FAM13A: variants seen among roughly 807,000 people sequenced by gnomAD.
The protein encoded by FAM13A is protein FAM13A.
FAM13A carries 76 observed loss-of-function variants against 129.6 expected under a neutral mutation model. The ratio of observed to expected loss-of-function variants is 0.59; its 90% CI spans 0.49 to 0.71. The LOEUF (loss-of-function observed/expected upper bound fraction) is 0.71, where lower values mean the gene tolerates loss of function less well. FAM13A is among the 30% of genes least tolerant of loss of function. FAM13A has a pLI of 0.00. For missense variants in FAM13A, 1,108 were observed against 1,249.3 expected (o/e 0.89, Z 1.70); for synonymous variants, 443 against 449.9 (o/e 0.98, Z 0.20).
At chr4:88,902,766 T>C (rs1312054464) in intron 6 of FAM13A, among the ~76,000 whole-genome samples, 2 of 152,082 alleles carry the variant, frequency 1.3e-5, no homozygotes, top group Non-Finnish European at 2.9e-5. Flanking sequence ...CAGGGCAATC[T>C]GGCAAGAGAA....
chr4:88,926,659 ATGTC>A (rs1187026869), intron 5 of FAM13A, among the ~76,000 whole-genome samples: 2 of 152,200 alleles, frequency 1.3e-5, no homozygotes, highest in East Asian at 1.9e-4. Context: ...ATAAAACAAA[ATGTC>A]TGGGGAGAAG....
chr4:88,732,448 G>A, intron 21 of FAM13A: 1 of 334,916 alleles, frequency 3.0e-6, no homozygotes. Flanking sequence ...TAAAATGAGT[G>A]TACATCATGT....
chr4:88,979,790 G>A (rs1208404772), intron 4 of FAM13A, among the ~76,000 whole-genome samples: 1 of 152,078 alleles, frequency 6.6e-6, no homozygotes, highest in African/African-American at 2.4e-5. Flanking sequence ...GACCAACATG[G>A]TGAAACCCCG....
chr4:88,832,306 C>A (rs531168190), intron 7 of FAM13A, among the ~76,000 whole-genome samples: 1 of 152,068 alleles, frequency 6.6e-6, no homozygotes, highest in Non-Finnish European at 1.5e-5. Flanking sequence ...CTTGGCAATA[C>A]CATTCAGGAC....
At chr4:88,962,617 G>T (rs772809477) in intron 4 of FAM13A, among the ~76,000 whole-genome samples, 1 of 152,046 alleles carries the variant, frequency 6.6e-6, no homozygotes, top group African/African-American at 2.4e-5. Context: ...CGGGGAGAGC[G>T]AGAGAGAGAG....
intron 14 of FAM13A, among the ~76,000 whole-genome samples, chr4:88,757,097 C>T (rs572012996): frequency 9.6e-6 from 1 of 104,034 alleles, no homozygotes; most frequent in East Asian, 2.4e-4. Context: ...CTGGTTCCTT[C>T]AATTATTATC....
chr4:88,991,254 C>A, intron 3 of FAM13A, 104 bp from the exon 4 acceptor site: 1 of 801,526 alleles, frequency 1.2e-6, no homozygotes, highest in Non-Finnish European at 1.9e-6. Flanking sequence ...GAAAAAAACT[C>A]TTGAGAGACT....
At chr4:88,949,919 T>TCA (rs1756654257) in intron 4 of FAM13A, among the ~76,000 whole-genome samples, 1 of 152,188 alleles carries the variant, frequency 6.6e-6, no homozygotes, top group African/African-American at 2.4e-5. Context: ...GTGAAAGCTC[T>TCA]CAAGTACTAC....
chr4:88,800,984 T>C (rs918307097), intron 8 of FAM13A, among the ~76,000 whole-genome samples: 1 of 151,938 alleles, frequency 6.6e-6, no homozygotes, highest in Non-Finnish European at 1.5e-5. Context: ...TTAGAAAACA[T>C]ACAATATGCT....
At chr4:88,856,648 T>C (rs1024473200) in intron 6 of FAM13A, among the ~76,000 whole-genome samples, 5 of 152,182 alleles carry the variant, frequency 3.3e-5, no homozygotes, top group Admixed American at 3.3e-4. Context: ...GCTTAAATGA[T>C]TATGAAAGAT....
chr4:88,788,787 T>C (rs1482197074), intron 9 of FAM13A, among the ~76,000 whole-genome samples: 1 of 152,142 alleles, frequency 6.6e-6, no homozygotes, highest in Non-Finnish European at 1.5e-5. Flanking sequence ...AAGAACTATA[T>C]ATATATGTTC....
At chr4:88,936,771 TA>T (rs1165930265) in intron 5 of FAM13A, 2 of 152,222 alleles carry the variant, frequency 1.3e-5, no homozygotes, top group Non-Finnish European at 2.9e-5. Flanking sequence ...GTATGAGTGT[TA>T]AAAATTGTTT....
chr4:88,905,983 A>C (rs1172624576), intron 6 of FAM13A, among the ~76,000 whole-genome samples: 1 of 152,220 alleles, frequency 6.6e-6, no homozygotes, highest in East Asian at 1.9e-4. Flanking sequence ...ACATGGAAAT[A>C]GGAGAGCATC....
intron 3 of FAM13A, among the ~76,000 whole-genome samples, chr4:89,000,574 G>A (rs1375929059): frequency 6.6e-6 from 1 of 152,042 alleles, no homozygotes; most frequent in Admixed American, 6.6e-5. Flanking sequence ...TTTCTTTCTG[G>A]GGTCATAAAA....
intron 8 of FAM13A, among the ~76,000 whole-genome samples, chr4:88,796,892 T>A (rs898887898): frequency 9.2e-5 from 14 of 152,138 alleles, no homozygotes; most frequent in African/African-American, 3.4e-4. Context: ...AGGAATCCTA[T>A]GCACAATTCT....
chr4:88,758,882 TGGATCTTC>T lies in FAM13A; in HGVS notation c.1590_1597del (p.Met530IlefsTer8). 1 of 1,613,930 alleles carries T rather than the reference TGGATCTTC, an allele frequency of 6.2e-7. No homozygotes were observed. The highest frequency in any genetic ancestry group is 8.5e-7 in the Non-Finnish European group (1 of 1,179,872). ...GGTGTCAGATAGGCTGGGATGCTCC[TGGATCTTC>T]ATTGTGGGGCTCTGCAATAACAGCA... is the stretch of plus-strand genomic sequence containing the variant. On this transcript the variant is annotated frameshift_variant, in exon 14 of 24. Transcript: ENST00000264344. LOFTEE classifies it high-confidence loss of function.
At chr4:88,757,222 AGAT>A (rs1743844161) in intron 14 of FAM13A, among the ~76,000 whole-genome samples, 1 of 152,176 alleles carries the variant, frequency 6.6e-6, no homozygotes, top group African/African-American at 2.4e-5. Flanking sequence ...TGGCTGAGAG[AGAT>A]GATAAATTTA....
chr4:88,948,719 C>A (rs1405688130), intron 4 of FAM13A, among the ~76,000 whole-genome samples: 1 of 152,136 alleles, frequency 6.6e-6, no homozygotes, highest in Non-Finnish European at 1.5e-5. Context: ...GAACTCCCGA[C>A]CTCAGATGAT....
intron 4 of FAM13A, among the ~76,000 whole-genome samples, chr4:88,980,190 A>T (rs1164244916): frequency 1.3e-5 from 2 of 152,220 alleles, no homozygotes; most frequent in African/African-American, 4.8e-5. Context: ...TCATGTGAGC[A>T]TGCAGAGAAA....
Sources: gnomAD v4.1 joint callset for allele counts (sites outside exome capture counted in the v4.1 genomes callset) on GRCh38, gnomAD v4.1.1 for gene constraint, MANE v1.5 for transcripts, NCBI Gene and HGNC (gene_info 2026-07-23, HGNC 2026-07-21) for gene names.